Variants in PTPN5 observed in about 807,000 individuals in gnomAD.
PTPN5 encodes tyrosine-protein phosphatase non-receptor type 5.
PTPN5 carries 29 observed loss-of-function variants against 73.9 expected under a neutral mutation model. That is an observed-to-expected ratio of 0.39 (90% CI 0.29 to 0.54). PTPN5 has a LOEUF of 0.54. PTPN5 is among the 20% of genes least tolerant of loss of function. PTPN5 has a pLI of 0.65. For synonymous variants in PTPN5, 267 were observed against 304.7 expected, an observed-to-expected ratio of 0.88 and a Z score of 1.29; for missense variants, 652 against 751.4, an observed-to-expected ratio of 0.87 and a Z score of 1.55.
Position 18,742,641 on chromosome 11 carries a change from A to T in PTPN5, c.484-138T>A, listed in dbSNP as rs1849422782. ...TCTGCTCTCCTGGGAGTTGTCCACA[A>T]GGCACTGCCCCTGGCCTCGATGGGA... On this transcript the variant is annotated intron_variant, in intron 6 of 14. Coordinates refer to ENST00000358540, the MANE Select transcript of PTPN5 (RefSeq NM_006906.2). This position sits in a 1 kb window ranked among gnomAD's most constrained non-coding sequence, Gnocchi z 4.1. 1 of 1,315,638 alleles carries T rather than the reference A, an allele frequency of 7.6e-7. No homozygotes were observed. The highest frequency in any genetic ancestry group is 1.0e-6 in the Non-Finnish European group (1 of 973,720). The allele number at this position is 1,315,638 out of a possible 1,614,324, so 81.5% of individuals were successfully genotyped here. A position where few individuals can be genotyped will look rare whatever the true frequency, so the allele number is the denominator to read the frequency against.
intron 8 of PTPN5, among the ~76,000 whole-genome samples, chr11:18,739,896 T>A (rs536396419): frequency 3.9e-5 from 6 of 152,330 alleles, no homozygotes; most frequent in African/African-American, 1.4e-4. Flanking sequence ...AGGTCCGAGA[T>A]GTGCCGGCAC....
intron 9 of PTPN5, among the ~76,000 whole-genome samples, chr11:18,737,431 G>A (rs1281442431): frequency 6.6e-6 from 1 of 152,178 alleles, no homozygotes. Context: ...ACACAGTGTA[G>A]ACAGAGAGCC....
At position 18,729,009 on chromosome 11, in the gene PTPN5, T is replaced by A. The variant is rs1433344781; in HGVS notation, c.1623A>T (p.Thr541=). 6.2e-7 allele frequency: 1 copy of A among 1,613,870 alleles called. No homozygotes were observed. Among genetic ancestry groups the A allele is most frequent in the South Asian group, 1.1e-5 (1 of 91,066 alleles). Residue 541 remains threonine, a synonymous_variant, in exon 15 of 15, where the codon ACA becomes ACT. Coordinates refer to ENST00000358540, the MANE Select transcript of PTPN5 (RefSeq NM_006906.2). This position sits in a 1 kb window ranked among gnomAD's most constrained non-coding sequence, Gnocchi z 5.2. ...GGTGCACAAACTGGTACTGCTCGCATGTCTGGATCATGCCGCCCCTGCCCG... is the reference window on the plus strand; with the variant it reads ...GGTGCACAAACTGGTACTGCTCGCAAGTCTGGATCATGCCGCCCCTGCCCG... ...LRQDRGGMIQ[T]CEQYQFVHHV...
intron 3 of PTPN5, among the ~76,000 whole-genome samples, chr11:18,753,463 C>A (rs1849984146): frequency 6.6e-6 from 1 of 152,190 alleles, no homozygotes; most frequent in African/African-American, 2.4e-5. Flanking sequence ...TCAATGGCTT[C>A]CCTTTGTTCT....
intron 1 of PTPN5, among the ~76,000 whole-genome samples, chr11:18,776,356 C>G (rs1475375589): frequency 6.6e-6 from 1 of 151,974 alleles, no homozygotes; most frequent in Non-Finnish European, 1.5e-5. Context: ...CAAATGTCAC[C>G]TCCTCAATAG....
chr11:18,760,077 C>A (rs1316443822), intron 3 of PTPN5, among the ~76,000 whole-genome samples: 3 of 152,122 alleles, frequency 2.0e-5, no homozygotes, highest in Non-Finnish European at 4.4e-5. Flanking sequence ...AATGGCTGTA[C>A]CCTTCCATGG....
chr11:18,749,494 G>GGGGGGGGGGGC (rs756336602), intron 3 of PTPN5: 20 of 511,706 alleles, frequency 3.9e-5, no homozygotes, highest in East Asian at 1.1e-4. Flanking sequence ...AGGGTGGGGG[G>GGGGGGGGGGGC]CAGAACCTTG....
At chr11:18,781,291 T>C (rs1000514856) in intron 1 of PTPN5, among the ~76,000 whole-genome samples, 1 of 150,532 alleles carries the variant, frequency 6.6e-6, no homozygotes, top group African/African-American at 2.5e-5. Flanking sequence ...TTATCATCTG[T>C]AGCCAGAGAT....
At chr11:18,788,721 C>G (rs1340972993) in intron 1 of PTPN5, among the ~76,000 whole-genome samples, 1 of 152,166 alleles carries the variant, frequency 6.6e-6, no homozygotes, top group East Asian at 1.9e-4. Flanking sequence ...ACAGGCAATA[C>G]GACACAGAAC....
chr11:18,743,700 G>T, intron 4 of PTPN5: 1 of 579,782 alleles, frequency 1.7e-6, no homozygotes. Flanking sequence ...TAGTCTCCTA[G>T]AAAGGCCTCC....
chr11:18,766,008 A>T (rs574104594), intron 2 of PTPN5, 125 bp from the exon 3 acceptor site: 2 of 737,552 alleles, frequency 2.7e-6, no homozygotes, highest in Admixed American at 4.2e-5. Context: ...CACCCCATCA[A>T]AGGGACCTGA....
At chr11:18,754,251 G>A (rs1353238430) in intron 3 of PTPN5, among the ~76,000 whole-genome samples, 2 of 152,176 alleles carry the variant, frequency 1.3e-5, no homozygotes, top group East Asian at 3.9e-4. Flanking sequence ...CGGAAATTGA[G>A]GGCCCTTCAC....
chr11:18,775,195 T>C (rs115531195), intron 1 of PTPN5, among the ~76,000 whole-genome samples: 2,202 of 152,356 alleles, frequency 0.014, 49 homozygotes, highest in African/African-American at 0.05. Context: ...ACTTCCCCCA[T>C]TGCCCACATT....
intron 8 of PTPN5, 151 bp from the exon 9 acceptor site, chr11:18,738,115 C>G (rs1027215824): frequency 5.9e-6 from 4 of 679,820 alleles, no homozygotes; most frequent in Non-Finnish European, 1.1e-5. Context: ...AGTTAGTGCT[C>G]ACGACGCATT....
intron 3 of PTPN5, among the ~76,000 whole-genome samples, chr11:18,754,092 C>G (rs1375623858): frequency 6.6e-6 from 1 of 152,118 alleles, no homozygotes; most frequent in Non-Finnish European, 1.5e-5. Flanking sequence ...GCCAGTATGG[C>G]CCACTGGAGA....
chr11:18,741,085 C>T (rs1163385946), intron 7 of PTPN5, among the ~76,000 whole-genome samples: 1 of 152,176 alleles, frequency 6.6e-6, no homozygotes, highest in Non-Finnish European at 1.5e-5. Context: ...CATGGCCTTA[C>T]CCTGGACTCT....
intron 3 of PTPN5, among the ~76,000 whole-genome samples, chr11:18,753,584 T>C (rs999396013): frequency 3.9e-5 from 6 of 152,218 alleles, no homozygotes; most frequent in African/African-American, 1.4e-4. Flanking sequence ...CCTAGTTTTC[T>C]CTGCTCTGGC....
chr11:18,770,580 T>C (rs190798889), intron 2 of PTPN5, among the ~76,000 whole-genome samples: 3 of 152,364 alleles, frequency 2.0e-5, no homozygotes, highest in African/African-American at 2.4e-5. Context: ...CTTTTGGCTA[T>C]TTGTGAGTAG....
intron 8 of PTPN5, among the ~76,000 whole-genome samples, chr11:18,738,854 C>T (rs993458194): frequency 3.3e-5 from 5 of 152,048 alleles, no homozygotes; most frequent in South Asian, 4.2e-4. Context: ...CCCCTGTAAT[C>T]CCAGCCACTA....
Sources: allele counts gnomAD v4.1 joint callset (sites outside exome capture counted in the v4.1 genomes callset), GRCh38; gene constraint gnomAD v4.1.1; non-coding constraint Gnocchi (gnomAD v3.1); transcripts MANE v1.5; gene names NCBI Gene and HGNC (gene_info 2026-07-23, HGNC 2026-07-21).